KCNIP3: variants seen among roughly 807,000 people sequenced by gnomAD.
KCNIP3 encodes the protein potassium voltage-gated channel interacting protein 3.
Under a neutral mutation model 35.0 loss-of-function variants are expected in KCNIP3, and 28 were observed. That is an observed-to-expected ratio of 0.80 (90% CI 0.59 to 1.10). The LOEUF (loss-of-function observed/expected upper bound fraction) is 1.10, where lower values mean the gene tolerates loss of function less well. Ranked by LOEUF, KCNIP3 falls within the 50% of genes least tolerant of loss-of-function variation. The pLI is 0.00. For missense variants in KCNIP3, 295 were observed against 338.4 expected, an observed-to-expected ratio of 0.87 and a Z score of 1.01; for synonymous variants, 134 against 133.8, an observed-to-expected ratio of 1.00 and a Z score of -0.01.
At position 95,297,370 on chromosome 2, in the gene KCNIP3, G is replaced by A; in HGVS notation, c.-69G>A. On this transcript the variant is annotated 5_prime_UTR_variant, in exon 1 of 9. Coordinates refer to ENST00000295225, the MANE Select transcript of KCNIP3 (RefSeq NM_013434.5). ...GCAAACATGAGGCAGCTGCCAGCCG[G>A]CCTGGGCAGTCTTGTCTGCCTCGGC... The A allele has an allele frequency of 6.6e-7, 1 of 1,514,234 alleles. No individual in the cohort carries two copies. The highest frequency in any genetic ancestry group is 9.0e-7 in the Non-Finnish European group (1 of 1,114,570). 93.8% of individuals were successfully genotyped at this position (1,514,234 alleles called of 1,614,324 possible). A position where few individuals can be genotyped will look rare whatever the true frequency, so the allele number is the denominator to read the frequency against.
rs964213731 is a variant in KCNIP3 at position 95,381,810 on chromosome 2, G to T, written c.555+107G>T. On this transcript the variant is annotated intron_variant, in intron 6 of 8. Transcript: ENST00000295225. Reference sequence around the variant, plus strand: ...TCCTGCTGCCCACCTGTCTTCTCCCGCTGTCCATCCAGAGACTGGCCCCAG... The same window carrying T: ...TCCTGCTGCCCACCTGTCTTCTCCCTCTGTCCATCCAGAGACTGGCCCCAG... The T allele has an allele frequency of 2.0e-4, 155 of 793,558 alleles. No homozygotes were observed. In the East Asian group the frequency reaches 3.8e-3, roughly 19 times the overall value. 49.2% of individuals were successfully genotyped at this position (793,558 alleles called of 1,614,324 possible).
chr2:95,351,528 G>A (rs970126353), intron 2 of KCNIP3, among the ~76,000 whole-genome samples: 1 of 152,270 alleles, frequency 6.6e-6, no homozygotes, highest in Non-Finnish European at 1.5e-5. Flanking sequence ...CATCTATTGA[G>A]ATGGGGAAGC....
At chr2:95,374,552 C>A in intron 3 of KCNIP3, 132 bp downstream of exon 3, 2 of 1,181,222 alleles carry the variant, frequency 1.7e-6, no homozygotes, top group Non-Finnish European at 1.2e-6. Context: ...AGCTGTGTGG[C>A]GGGGGCAGGC....
rs1486606779 is a variant in KCNIP3 at position 95,382,042 on chromosome 2, GCGGTC to G, written c.556-333_556-329del. 1.3e-5 allele frequency among the ~76,000 whole-genome samples: 2 copies of G among 152,238 alleles called. No homozygotes were observed. The highest frequency in any genetic ancestry group is 2.9e-5 in the Non-Finnish European group (2 of 68,042). On this transcript the variant is annotated intron_variant, in intron 6 of 8. Transcript: ENST00000295225. The surrounding 1 kb of genome is among the most constrained non-coding windows in gnomAD (Gnocchi z 4.5). ...GCCCCCATCAAGTGAAGGGGGCAGT[GCGGTC>G]CCTTAAGGCATGGGTGGAGAGGGGA...
chr2:95,369,060 G>A (rs948795039), intron 2 of KCNIP3, among the ~76,000 whole-genome samples: 16 of 152,040 alleles, frequency 1.1e-4, no homozygotes, highest in Admixed American at 3.3e-4. Context: ...TTCTTGGGGG[G>A]GAAACATTCT....
intron 2 of KCNIP3, among the ~76,000 whole-genome samples, chr2:95,359,214 A>G (rs555348750): frequency 6.6e-6 from 1 of 152,290 alleles, no homozygotes; most frequent in South Asian, 2.1e-4. Context: ...TCTAAATCAG[A>G]TATGGGTGAG....
intron 2 of KCNIP3, chr2:95,312,326 G>C (rs1271748843): frequency 6.6e-6 from 1 of 152,350 alleles, no homozygotes; most frequent in Non-Finnish European, 1.5e-5. Flanking sequence ...TGGGGTGGAC[G>C]GGGAGAAAGG....
intron 2 of KCNIP3, among the ~76,000 whole-genome samples, chr2:95,365,158 CTT>C (rs75136882): frequency 0.012 from 1,498 of 120,450 alleles, 52 homozygotes; most frequent in Admixed American, 0.1. Context: ...GTCCTTATGT[CTT>C]TTTTTTTTTT....
chr2:95,348,997 G>A (rs1679445320), intron 2 of KCNIP3, among the ~76,000 whole-genome samples: 1 of 152,168 alleles, frequency 6.6e-6, no homozygotes, highest in South Asian at 2.1e-4. Flanking sequence ...TTTGTGAGCC[G>A]TGCTTATCAG....
At chr2:95,346,330 C>T (rs571581873) in intron 2 of KCNIP3, among the ~76,000 whole-genome samples, 3 of 151,688 alleles carry the variant, frequency 2.0e-5, no homozygotes, top group African/African-American at 7.2e-5. Flanking sequence ...GGCCCCTCCC[C>T]AGCCCCTCGG....
intron 2 of KCNIP3, among the ~76,000 whole-genome samples, chr2:95,343,357 A>G (rs1679264519): frequency 6.6e-6 from 1 of 152,142 alleles, no homozygotes; most frequent in Non-Finnish European, 1.5e-5. Context: ...TCTGGTTTCT[A>G]TGAAATATGG....
At chr2:95,343,896 C>T (rs1207044248) in intron 2 of KCNIP3, among the ~76,000 whole-genome samples, 5 of 152,034 alleles carry the variant, frequency 3.3e-5, no homozygotes, top group South Asian at 2.1e-4. Flanking sequence ...CCCCCCACCC[C>T]GACCCCAAAG....
At chr2:95,307,801 G>A (rs1678214282) in intron 1 of KCNIP3, among the ~76,000 whole-genome samples, 2 of 152,192 alleles carry the variant, frequency 1.3e-5, no homozygotes, top group African/African-American at 2.4e-5. Context: ...CAGGGGCTCC[G>A]AGGCCGCCTC....
rs71831118 is a variant in KCNIP3 at position 95,371,806 on chromosome 2, C to CTT, written c.182-2475_182-2474dup. Among the ~76,000 whole-genome samples the CTT allele has an allele frequency of 1.2e-3, 166 of 136,332 alleles. 3 individuals carry two copies. The highest frequency in any genetic ancestry group is 6.2e-3 in the East Asian group (29 of 4,690). 89.4% of individuals were successfully genotyped at this position (136,332 alleles called of 152,430 possible). A position where few individuals can be genotyped will look rare whatever the true frequency, so the allele number is the denominator to read the frequency against. ...GTTTTTCCATTCTTTTATTTTAAAT[C>CTT]TTTTTTTTTTTTTTTTGAGATGGAG... is the stretch of plus-strand genomic sequence containing the variant. On this transcript the variant is annotated intron_variant, in intron 2 of 8. Transcript: ENST00000295225.
chr2:95,373,005 T>A (rs1197259987), intron 2 of KCNIP3, among the ~76,000 whole-genome samples: 1 of 152,148 alleles, frequency 6.6e-6, no homozygotes, highest in Non-Finnish European at 1.5e-5. Context: ...CCCAGCACCA[T>A]GCCAGGCACC....
At chr2:95,360,765 CAGAG>C (rs376282994) in intron 2 of KCNIP3, among the ~76,000 whole-genome samples, 60 of 150,144 alleles carry the variant, frequency 4.0e-4, no homozygotes, top group African/African-American at 1.1e-3. Flanking sequence ...GAGCGAGAGA[CAGAG>C]AGAGAGAGAG....
At chr2:95,340,521 T>C (rs1679171180) in intron 2 of KCNIP3, among the ~76,000 whole-genome samples, 1 of 152,214 alleles carries the variant, frequency 6.6e-6, no homozygotes, top group South Asian at 2.1e-4. Flanking sequence ...AGAATGGGTT[T>C]TGGTGGCAAG....
chr2:95,361,918 G>T (rs1679808416), intron 2 of KCNIP3, among the ~76,000 whole-genome samples: 1 of 152,100 alleles, frequency 6.6e-6, no homozygotes, highest in Non-Finnish European at 1.5e-5. Flanking sequence ...CAGACTGAAG[G>T]ACTTAAACAA....
chr2:95,308,126 A>C (rs554525305), intron 1 of KCNIP3, among the ~76,000 whole-genome samples: 8 of 152,160 alleles, frequency 5.3e-5, no homozygotes, highest in Admixed American at 3.9e-4. Context: ...GCATGTGAGC[A>C]TTGTACACGT....
Sources: gnomAD v4.1 joint callset for allele counts (sites outside exome capture counted in the v4.1 genomes callset) on GRCh38, gnomAD v4.1.1 for gene constraint, Gnocchi (gnomAD v3.1) non-coding constraint, MANE v1.5 for transcripts, NCBI Gene and HGNC (gene_info 2026-07-23, HGNC 2026-07-21) for gene names.